Variants in GAS2L3 observed in about 807,000 individuals in gnomAD.
GAS2L3 encodes the protein GAS2-like protein 3.
In GAS2L3, 28 loss-of-function variants were observed where a neutral mutation model predicts 37.0. That is an observed-to-expected ratio of 0.76 (90% CI 0.56 to 1.04). The LOEUF (loss-of-function observed/expected upper bound fraction) is 1.04. GAS2L3 is among the 50% of genes least tolerant of loss of function. The pLI is 0.00. For missense variants in GAS2L3, 793 were observed against 817.6 expected, an observed-to-expected ratio of 0.97 and a Z score of 0.37; for synonymous variants, 290 against 296.6, an observed-to-expected ratio of 0.98 and a Z score of 0.23.
At chr12:100,609,749 A>T (rs1956103620) in intron 5 of GAS2L3, among the ~76,000 whole-genome samples, 1 of 152,196 alleles carries the variant, frequency 6.6e-6, no homozygotes. Context: ...AGTCCCCTCT[A>T]GCTGGGGTTG....
chr12:100,620,045 A>T (rs1866660637), intron 8 of GAS2L3, among the ~76,000 whole-genome samples: 2 of 152,078 alleles, frequency 1.3e-5, no homozygotes, highest in Admixed American at 1.3e-4. Flanking sequence ...AAAATGATGT[A>T]AACTTTTGAA....
intron 1 of GAS2L3, chr12:100,579,903 A>G (rs1427999544): frequency 6.3e-5 from 48 of 758,186 alleles, no homozygotes; most frequent in Middle Eastern, 2.9e-4. Context: ...CCACACCTGA[A>G]GGAATGTTGT....
intron 1 of GAS2L3, among the ~76,000 whole-genome samples, chr12:100,589,657 C>T (rs950645616): frequency 6.6e-6 from 1 of 152,152 alleles, no homozygotes; most frequent in African/African-American, 2.4e-5. Flanking sequence ...AAGCATCACA[C>T]TACCTGATTT....
At position 100,618,543 on chromosome 12, in the gene GAS2L3, A is replaced by G. The variant is rs1320995251; in HGVS notation, c.604A>G (p.Ser202Gly). Residue 202 changes from serine to glycine, a missense_variant, in exon 8 of 10, where the codon AGC (serine) becomes GGC (glycine). Coordinates refer to ENST00000547754, the MANE Select transcript of GAS2L3 (RefSeq NM_174942.3). Reference protein sequence around the residue: ...LNTSGPEDSISIPKSCCRHEE... With the variant: ...LNTSGPEDSIGIPKSCCRHEE... ...TACTTCTGGGCCTGAAGATTCCATCAGCATTCCAAAATCATGCTGTCGGCA... is the reference window on the plus strand; with the variant it reads ...TACTTCTGGGCCTGAAGATTCCATCGGCATTCCAAAATCATGCTGTCGGCA... The G allele has an allele frequency of 2.5e-6, 4 of 1,612,592 alleles. No individual in the cohort carries two copies. The highest frequency in any genetic ancestry group is 3.4e-6 in the Non-Finnish European group (4 of 1,179,406).
chr12:100,612,059 T>C lies in GAS2L3; in HGVS notation c.363T>C (p.Ala121=). 6.2e-7 allele frequency: 1 copy of C among 1,611,654 alleles called. No homozygotes were observed. Among genetic ancestry groups the C allele is most frequent in the Non-Finnish European group, 8.5e-7 (1 of 1,177,736 alleles). The change falls in exon 6 of 10, where the codon GCT becomes GCC. Residue 121 remains alanine, a synonymous_variant. Coordinates refer to ENST00000547754, the MANE Select transcript of GAS2L3 (RefSeq NM_174942.3). ...ATGCTGCATCAGGTTCATTCTTTGC[T>C]CGGGACAATACCGCAAACTTCCTTC... The part of the protein sequence containing the change: ...KKDAASGSFF[A]RDNTANFLHW...
rs575448483 is a variant in GAS2L3 at position 100,601,709 on chromosome 12, G to A, written c.259G>A (p.Val87Ile). Residue 87 changes from valine (V) to isoleucine (I), a missense_variant, in exon 5 of 10, where the codon GTT becomes ATT. Physicochemically the swap from Val to Ile is conservative, Grantham distance 29 (BLOSUM62 3). Transcript: ENST00000547754. ...AGTACTATTATGTCAACTGATTGAT[G>A]TTCTTCAAAACATGGTGAAAACATG... ...NGVLLCQLID[V>I]LQNMVKTCNS... 6 of 1,604,384 alleles carry A rather than the reference G, an allele frequency of 3.7e-6. No homozygotes were observed. Among genetic ancestry groups the A allele is most frequent in the Admixed American group, 3.4e-5 (2 of 59,190 alleles).
intron 2 of GAS2L3, 69 bp from the exon 3 acceptor site, chr12:100,594,806 T>G (rs888864760): frequency 6.4e-6 from 3 of 471,098 alleles, no homozygotes; most frequent in Non-Finnish European, 1.1e-5. Context: ...AATCTTGTAA[T>G]TTGGGGGTTT....
At chr12:100,579,896 C>G in intron 1 of GAS2L3, 1 of 756,384 alleles carries the variant, frequency 1.3e-6, no homozygotes, top group Non-Finnish European at 2.5e-6. Flanking sequence ...AGACTTTCCA[C>G]ACCTGAAGGA....
In GAS2L3 at chr12:100,624,304, C is replaced by T. The variant is rs1418060915; in HGVS notation, c.1499C>T (p.Pro500Leu). The T allele has an allele frequency of 6.2e-7, 1 of 1,613,952 alleles. No homozygotes were observed. The highest frequency in any genetic ancestry group is 8.5e-7 in the Non-Finnish European group (1 of 1,180,012). Reference sequence around the variant, plus strand: ...CATTCAAATTCATCCTCAAAATGTCCCAAGCTGCCTAAAGCAAATATACCT... The same window carrying T: ...CATTCAAATTCATCCTCAAAATGTCTCAAGCTGCCTAAAGCAAATATACCT... ...AAHSNSSSKC[P>L]KLPKANIPVR... The change falls in exon 10 of 10, where the codon CCC (proline) becomes CTC (leucine). Residue 500 changes from proline to leucine, a missense_variant. Physicochemically the swap from Pro to Leu is moderately conservative, Grantham distance 98. Transcript: ENST00000547754.
intron 1 of GAS2L3, among the ~76,000 whole-genome samples, chr12:100,585,239 A>G (rs1308358407): frequency 6.6e-6 from 1 of 150,662 alleles, no homozygotes; most frequent in African/African-American, 2.4e-5. Flanking sequence ...ACAAACCAAA[A>G]CACAGCACTC....
rs942110310 is a variant in GAS2L3 at position 100,625,523 on chromosome 12, T to C, written c.*633T>C. Reference sequence around the variant, plus strand: ...TGTTTCATGTGGCTTATATTTACATTGGTAATATTTTGTCACCAATATTTT... The same window carrying C: ...TGTTTCATGTGGCTTATATTTACATCGGTAATATTTTGTCACCAATATTTT... On this transcript the variant is annotated 3_prime_UTR_variant, in exon 10 of 10. Coordinates refer to ENST00000547754, the MANE Select transcript of GAS2L3 (RefSeq NM_174942.3). 1.3e-5 allele frequency: 2 copies of C among 152,174 alleles called. No homozygotes were observed. The highest frequency in any genetic ancestry group is 4.8e-5 in the African/African-American group (2 of 41,450). 9.4% of individuals were successfully genotyped at this position (152,174 alleles called of 1,614,324 possible). A position where few individuals can be genotyped will look rare whatever the true frequency, so the allele number is the denominator to read the frequency against.
intron 1 of GAS2L3, chr12:100,579,705 GC>G: frequency 1.3e-6 from 1 of 772,118 alleles, no homozygotes; most frequent in Non-Finnish European, 2.4e-6. Context: ...CATGGAAGCA[GC>G]CAGCTGTGGT....
chr12:100,609,464 C>T (rs1956099680), intron 5 of GAS2L3, among the ~76,000 whole-genome samples: 1 of 152,122 alleles, frequency 6.6e-6, no homozygotes, highest in Admixed American at 6.5e-5. Flanking sequence ...CTCCCAAGTG[C>T]ACAGCTTTCT....
chr12:100,621,355 A>G (rs1156243269), intron 8 of GAS2L3, among the ~76,000 whole-genome samples: 1 of 152,058 alleles, frequency 6.6e-6, no homozygotes, highest in Non-Finnish European at 1.5e-5. Context: ...TCTTTACTTA[A>G]TATATTTCCA....
intron 5 of GAS2L3, among the ~76,000 whole-genome samples, chr12:100,609,481 C>T (rs1025823989): frequency 3.3e-5 from 5 of 152,036 alleles, no homozygotes; most frequent in Admixed American, 2.6e-4. Flanking sequence ...TTCTTTGCAC[C>T]TTATGGCTGC....
At chr12:100,617,031 T>G (rs1956196132) in intron 6 of GAS2L3, among the ~76,000 whole-genome samples, 1 of 151,834 alleles carries the variant, frequency 6.6e-6, no homozygotes, top group Non-Finnish European at 1.5e-5. Flanking sequence ...TTTTTTTTAA[T>G]CATGAAATGG....
chr12:100,617,858 C>T, intron 7 of GAS2L3, 51 bp downstream of exon 7: 2 of 1,076,972 alleles, frequency 1.9e-6, no homozygotes, highest in South Asian at 2.8e-5. Context: ...CATTTTAAAT[C>T]TACTGAATTT....
At chr12:100,597,537 C>T (rs759259497) in intron 3 of GAS2L3, among the ~76,000 whole-genome samples, 11 of 152,042 alleles carry the variant, frequency 7.2e-5, no homozygotes, top group Non-Finnish European at 1.3e-4. Context: ...GAATTCATTG[C>T]CCAATCCCTA....
In GAS2L3 at chr12:100,623,641, C is replaced by T; in HGVS notation, c.836C>T (p.Pro279Leu). ...CAAGGATTTTTGCTTAAATATGACC[C>T]CTGTCGAATATTACAGTTTGCCACA... The part of the protein sequence containing the change: ...TLQGFLLKYD[P>L]CRILQFATLE... Residue 279 changes from proline (P) to leucine (L), a missense_variant, in exon 10 of 10, where the codon CCC becomes CTC. Physicochemically the swap from Pro to Leu is moderately conservative, Grantham distance 98. Transcript: ENST00000547754. 6.2e-7 allele frequency: 1 copy of T among 1,613,584 alleles called. No individual in the cohort carries two copies. Among genetic ancestry groups the T allele is most frequent in the Non-Finnish European group, 8.5e-7 (1 of 1,179,682 alleles).
Sources: allele counts gnomAD v4.1 joint callset (sites outside exome capture counted in the v4.1 genomes callset), GRCh38; gene constraint gnomAD v4.1.1; transcripts MANE v1.5; gene names NCBI Gene and HGNC (gene_info 2026-07-23, HGNC 2026-07-21).